RAD51B: variants seen among roughly 807,000 people sequenced by gnomAD.
RAD51B encodes the protein RAD51 paralog B.
A neutral mutation model predicts 42.2 loss-of-function variants in RAD51B; 38 were observed. The ratio of observed to expected loss-of-function variants is 0.90; its 90% CI spans 0.70 to 1.18. RAD51B has a LOEUF of 1.18. Among genes scored for constraint, RAD51B ranks in the 50% most tolerant of loss-of-function variants. The probability of loss-of-function intolerance (pLI) is 0.00; values close to 1 mark genes in which losing one functional copy is unlikely to be tolerated. For missense variants in RAD51B, 373 were observed against 400.7 expected (o/e 0.93, Z 0.59); for synonymous variants, 154 against 145.2 (o/e 1.06, Z -0.43).
At chr14:68,249,660 T>A (rs2080577528) in intron 7 of RAD51B, among the ~76,000 whole-genome samples, 1 of 152,216 alleles carries the variant, frequency 6.6e-6, no homozygotes, top group Non-Finnish European at 1.5e-5. Flanking sequence ...CGACTGGGAA[T>A]CCTAGAGTAT....
At chr14:68,084,697 A>G (rs1312350481) in intron 7 of RAD51B, among the ~76,000 whole-genome samples, 1 of 152,242 alleles carries the variant, frequency 6.6e-6, no homozygotes, top group Non-Finnish European at 1.5e-5. Context: ...GAAATTTTTG[A>G]AGAAACAGCA....
intron 7 of RAD51B, among the ~76,000 whole-genome samples, chr14:68,050,575 T>C (rs1432156039): frequency 6.6e-6 from 1 of 152,208 alleles, no homozygotes; most frequent in Non-Finnish European, 1.5e-5. Flanking sequence ...TTGATAACTG[T>C]CTTTTTAGGC....
Position 68,610,843 on chromosome 14 carries a change from A to ATGTGTGTGTGTGTG in RAD51B, c.1037-133_1037-120dup, listed in dbSNP as rs60173412. Among the ~76,000 whole-genome samples, 549 of 144,968 alleles carry ATGTGTGTGTGTGTG rather than the reference A, an allele frequency of 3.8e-3. 4 individuals carry two copies. Among genetic ancestry groups the ATGTGTGTGTGTGTG allele is most frequent in the South Asian group, 0.024 (105 of 4,328 alleles). On this transcript the variant is annotated intron_variant, in intron 10 of 10. Coordinates refer to the RAD51B transcript ENST00000487861. ...CTATTATAACCACATCTGAATGTAT[A>ATGTGTGTGTGTGTG]TGTGTGTGTGTGTGTGTGTGTGTGT...
At chr14:68,544,452 A>G (rs1320467532) in intron 10 of RAD51B, among the ~76,000 whole-genome samples, 1 of 152,226 alleles carries the variant, frequency 6.6e-6, no homozygotes, top group Non-Finnish European at 1.5e-5. Context: ...CTCCAAGCCA[A>G]TCGTATCTGT....
intron 10 of RAD51B, chr14:68,541,936 A>G (rs1887989821): frequency 1.6e-6 from 1 of 609,450 alleles, no homozygotes; most frequent in Non-Finnish European, 2.1e-6. Flanking sequence ...AACTTTTTTG[A>G]TTTAACACCC....
intron 7 of RAD51B, among the ~76,000 whole-genome samples, chr14:67,975,868 G>C (rs1328228056): frequency 1.3e-5 from 2 of 152,164 alleles, no homozygotes; most frequent in Non-Finnish European, 2.9e-5. Flanking sequence ...CAGCTTTAGG[G>C]TAAACTTGAT....
chr14:68,152,923 G>T (rs1341353610), intron 7 of RAD51B, among the ~76,000 whole-genome samples: 4 of 152,162 alleles, frequency 2.6e-5, no homozygotes, highest in African/African-American at 9.7e-5. Context: ...TCCCACAAAA[G>T]ACATGATTTC....
At chr14:68,240,337 G>A (rs544116039) in intron 7 of RAD51B, among the ~76,000 whole-genome samples, 116 of 152,298 alleles carry the variant, frequency 7.6e-4, no homozygotes, top group African/African-American at 2.7e-3. Context: ...GGGAAGGACA[G>A]ACAATAAACA....
intron 7 of RAD51B, among the ~76,000 whole-genome samples, chr14:68,180,418 C>T (rs917963443): frequency 3.3e-5 from 5 of 151,930 alleles, no homozygotes; most frequent in South Asian, 2.1e-4. Flanking sequence ...TAGAGAGGGC[C>T]GGGGTAGAGG....
intron 7 of RAD51B, among the ~76,000 whole-genome samples, chr14:67,968,851 C>T (rs1321515547): frequency 1.3e-5 from 2 of 152,188 alleles, no homozygotes; most frequent in Non-Finnish European, 2.9e-5. Flanking sequence ...ACGCCCTACT[C>T]CAATGGTACC....
At chr14:67,922,393 A>G (rs2044354759) in intron 7 of RAD51B, among the ~76,000 whole-genome samples, 1 of 152,186 alleles carries the variant, frequency 6.6e-6, no homozygotes, top group African/African-American at 2.4e-5. Flanking sequence ...ATCTTGTTAG[A>G]TTATGAATAG....
At chr14:68,561,447 T>G (rs1889142545) in intron 10 of RAD51B, among the ~76,000 whole-genome samples, 1 of 152,154 alleles carries the variant, frequency 6.6e-6, no homozygotes. Context: ...GCAGGCATGC[T>G]CACCTGGGGC....
At chr14:68,379,407 A>G (rs976504918) in intron 8 of RAD51B, among the ~76,000 whole-genome samples, 1 of 152,090 alleles carries the variant, frequency 6.6e-6, no homozygotes, top group African/African-American at 2.4e-5. Context: ...CTGCTGGGAG[A>G]AGGGGGTGCA....
intron 7 of RAD51B, among the ~76,000 whole-genome samples, chr14:68,039,426 CAAAAA>C (rs754840073): frequency 2.8e-3 from 177 of 63,848 alleles, no homozygotes; most frequent in African/African-American, 7.8e-3. Flanking sequence ...GACTTCATTC[CAAAAA>C]AAAAAAAAAA....
At chr14:68,582,268 G>A (rs543137956) in intron 10 of RAD51B, among the ~76,000 whole-genome samples, 7 of 152,222 alleles carry the variant, frequency 4.6e-5, no homozygotes, top group Admixed American at 3.3e-4. Context: ...ATCTGACAAA[G>A]GGCTAATATC....
At chr14:68,070,609 G>A (rs1388289373) in intron 7 of RAD51B, among the ~76,000 whole-genome samples, 1 of 152,036 alleles carries the variant, frequency 6.6e-6, no homozygotes, top group Non-Finnish European at 1.5e-5. Flanking sequence ...TTTATTTCTG[G>A]ATTCTCTAAC....
At chr14:68,315,670 C>T (rs1181351033) in intron 8 of RAD51B, among the ~76,000 whole-genome samples, 7 of 151,984 alleles carry the variant, frequency 4.6e-5, no homozygotes, top group African/African-American at 9.7e-5. Context: ...TACAGGTGCC[C>T]GCCACCACGC....
intron 7 of RAD51B, among the ~76,000 whole-genome samples, chr14:68,028,623 T>C (rs1178158924): frequency 1.3e-5 from 2 of 152,144 alleles, no homozygotes; most frequent in South Asian, 2.1e-4. Context: ...TTTTGGGGGA[T>C]CTGAAGTGCT....
chr14:68,328,199 C>T (rs1319920870), intron 8 of RAD51B, among the ~76,000 whole-genome samples: 1 of 152,164 alleles, frequency 6.6e-6, no homozygotes, highest in African/African-American at 2.4e-5. Flanking sequence ...TCATTACAGG[C>T]TTTAAATATA....
Sources: gnomAD v4.1 joint callset for allele counts (sites outside exome capture counted in the v4.1 genomes callset) on GRCh38, gnomAD v4.1.1 for gene constraint, MANE v1.5 for transcripts, NCBI Gene and HGNC (gene_info 2026-07-23, HGNC 2026-07-21) for gene names.